The following ZMAT4 variants were observed in gnomAD, a reference collection of about 807,000 sequenced individuals.
ZMAT4 encodes the protein zinc finger matrin-type 4.
ZMAT4 carries 17 observed loss-of-function variants against 28.7 expected under a neutral mutation model. That is an observed-to-expected ratio of 0.59 (90% CI 0.41 to 0.89). The LOEUF is 0.89. Ranked by LOEUF, ZMAT4 falls within the 40% of genes least tolerant of loss-of-function variation. The probability of loss-of-function intolerance (pLI) is 0.00; values close to 1 mark genes in which losing one functional copy is unlikely to be tolerated. For missense variants in ZMAT4, 240 were observed against 283.8 expected (o/e 0.85, Z 1.11); for synonymous variants, 117 against 109.2 (o/e 1.07, Z -0.44).
chr8:40,716,946 A>T (rs1810884869), intron 3 of ZMAT4, among the ~76,000 whole-genome samples: 1 of 152,122 alleles, frequency 6.6e-6, no homozygotes, highest in South Asian at 2.1e-4. Context: ...TGTTCCCTGG[A>T]CGCTAGCATA....
At chr8:40,804,468 T>C (rs1030513112) in intron 2 of ZMAT4, among the ~76,000 whole-genome samples, 1 of 152,198 alleles carries the variant, frequency 6.6e-6, no homozygotes, top group Non-Finnish European at 1.5e-5. Flanking sequence ...AGTCAATCTA[T>C]CTATCTAATG....
chr8:40,760,244 TC>T (rs765502816), intron 3 of ZMAT4, among the ~76,000 whole-genome samples: 17 of 152,350 alleles, frequency 1.1e-4, no homozygotes, highest in South Asian at 2.1e-4. Flanking sequence ...GCTTTACTTC[TC>T]CAAGTGGTTG....
intron 3 of ZMAT4, among the ~76,000 whole-genome samples, chr8:40,706,277 A>G (rs1810346666): frequency 6.6e-6 from 1 of 152,130 alleles, no homozygotes; most frequent in African/African-American, 2.4e-5. Context: ...GATGGTCTCA[A>G]TCTCCTGACC....
At chr8:40,859,709 G>A (rs1463049152) in intron 1 of ZMAT4, among the ~76,000 whole-genome samples, 2 of 152,092 alleles carry the variant, frequency 1.3e-5, no homozygotes, top group African/African-American at 4.8e-5. Context: ...GGGCGGTGGA[G>A]AATGTAAATT....
At chr8:40,854,800 G>T (rs369886836) in intron 1 of ZMAT4, among the ~76,000 whole-genome samples, 1 of 152,080 alleles carries the variant, frequency 6.6e-6, no homozygotes, top group Non-Finnish European at 1.5e-5. Context: ...CCTGGGTACT[G>T]GTAGTGGTCA....
intron 3 of ZMAT4, among the ~76,000 whole-genome samples, chr8:40,732,699 G>A (rs1262288518): frequency 6.6e-6 from 1 of 152,170 alleles, no homozygotes; most frequent in Admixed American, 6.5e-5. Context: ...CCAACGTTAT[G>A]GGGTAGGCCT....
intron 2 of ZMAT4, among the ~76,000 whole-genome samples, chr8:40,792,184 C>T (rs1381875141): frequency 6.6e-6 from 1 of 152,042 alleles, no homozygotes; most frequent in African/African-American, 2.4e-5. Flanking sequence ...TGAGCATATG[C>T]TGTGTTGAAC....
At chr8:40,892,331 G>A (rs1306335498) in intron 1 of ZMAT4, among the ~76,000 whole-genome samples, 1 of 152,106 alleles carries the variant, frequency 6.6e-6, no homozygotes, top group African/African-American at 2.4e-5. Flanking sequence ...TCTCAGCTCT[G>A]GTTTCTAGAA....
chr8:40,580,719 G>T (rs1006339292), intron 6 of ZMAT4, among the ~76,000 whole-genome samples: 2 of 152,058 alleles, frequency 1.3e-5, no homozygotes, highest in African/African-American at 4.8e-5. Flanking sequence ...AAATGTCATT[G>T]TATAATAGTG....
At chr8:40,828,236 G>A (rs952973018) in intron 1 of ZMAT4, among the ~76,000 whole-genome samples, 4 of 152,210 alleles carry the variant, frequency 2.6e-5, no homozygotes, top group African/African-American at 7.2e-5. Context: ...ATTTTGAAAT[G>A]TCTAATGGGA....
At chr8:40,584,513 G>A (rs1340991652) in intron 5 of ZMAT4, among the ~76,000 whole-genome samples, 1 of 152,044 alleles carries the variant, frequency 6.6e-6, no homozygotes, top group Non-Finnish European at 1.5e-5. Flanking sequence ...AAGTAGCAAA[G>A]GACTCTACTA....
intron 5 of ZMAT4, among the ~76,000 whole-genome samples, chr8:40,598,782 A>G (rs2118604611): frequency 6.6e-6 from 1 of 152,130 alleles, no homozygotes; most frequent in Non-Finnish European, 1.5e-5. Flanking sequence ...TCAATGAGAT[A>G]AAGTCCCAAC....
intron 1 of ZMAT4, among the ~76,000 whole-genome samples, chr8:40,866,789 G>C (rs73675738): frequency 6.6e-6 from 1 of 152,136 alleles, no homozygotes; most frequent in East Asian, 1.9e-4. Context: ...ATATCCAACA[G>C]GATACACATA....
intron 4 of ZMAT4, 57 bp downstream of exon 4, chr8:40,697,188 A>G: frequency 6.7e-7 from 1 of 1,489,800 alleles, no homozygotes; most frequent in Non-Finnish European, 9.0e-7. Flanking sequence ...ATGATCTGCA[A>G]GACAGGCCAG....
chr8:40,761,582 G>A (rs915074010), intron 3 of ZMAT4, among the ~76,000 whole-genome samples: 2 of 152,218 alleles, frequency 1.3e-5, no homozygotes, highest in East Asian at 3.8e-4. Flanking sequence ...ATTAGCCCTT[G>A]ATTGTTTTTA....
chr8:40,677,293 G>A (rs1322970092), intron 4 of ZMAT4, among the ~76,000 whole-genome samples: 1 of 102,378 alleles, frequency 9.8e-6, no homozygotes, highest in African/African-American at 4.1e-5. Context: ...AAAGTTTAAA[G>A]GATTTTTTTT....
In ZMAT4 at chr8:40,726,059, T is replaced by C. The variant is rs191449484; in HGVS notation, c.193-28658A>G. On this transcript the variant is annotated intron_variant, in intron 3 of 6. Transcript: ENST00000297737. ...CATACCTGATTTCCATTACCCCTTG[T>C]TGTTTTTGACAGAGGTTTATTAGAT... Among the ~76,000 whole-genome samples the C allele has an allele frequency of 3.4e-3, 522 of 152,358 alleles. 4 individuals are homozygous for C. The highest frequency in any genetic ancestry group is 6.1e-3 in the Non-Finnish European group (412 of 68,032).
At chr8:40,781,761 C>CAAAAAAAAAAAAAAAAAAA (rs59432510) in intron 2 of ZMAT4, among the ~76,000 whole-genome samples, 1 of 38,522 alleles carries the variant, frequency 2.6e-5, no homozygotes, top group Non-Finnish European at 5.6e-5. Flanking sequence ...GACTCCGTCT[C>CAAAAAAAAAAAAAAAAAAA]AAAAAAAAAA....
intron 3 of ZMAT4, among the ~76,000 whole-genome samples, chr8:40,750,703 A>C (rs564637382): frequency 1.3e-5 from 2 of 152,338 alleles, no homozygotes; most frequent in African/African-American, 4.8e-5. Flanking sequence ...TGAAAAAAAG[A>C]AACAGAGCAG....
Sources: gnomAD v4.1 joint callset for allele counts (sites outside exome capture counted in the v4.1 genomes callset) on GRCh38, gnomAD v4.1.1 for gene constraint, MANE v1.5 for transcripts, NCBI Gene and HGNC (gene_info 2026-07-23, HGNC 2026-07-21) for gene names.